The following NAALADL2 variants were observed in gnomAD, a reference collection of about 807,000 sequenced individuals.
NAALADL2 encodes the protein inactive N-acetylated-alpha-linked acidic dipeptidase-like protein 2.
Under a neutral mutation model 87.2 loss-of-function variants are expected in NAALADL2, and 76 were observed. That is an observed-to-expected ratio of 0.87 (90% CI 0.72 to 1.05). The LOEUF (loss-of-function observed/expected upper bound fraction) is 1.05, where lower values mean the gene tolerates loss of function less well. Ranked by LOEUF, NAALADL2 falls within the 50% of genes least tolerant of loss-of-function variation. The probability of loss-of-function intolerance (pLI) is 0.00; values close to 1 mark genes in which losing one functional copy is unlikely to be tolerated. For synonymous variants in NAALADL2, 354 were observed against 331.0 expected (o/e 1.07, Z -0.75); for missense variants, 1,089 against 945.8 (o/e 1.15, Z -1.99).
At chr3:175,278,107 C>A (rs1392690479) in intron 4 of NAALADL2, among the ~76,000 whole-genome samples, 1 of 152,260 alleles carries the variant, frequency 6.6e-6, no homozygotes, top group East Asian at 1.9e-4. Flanking sequence ...GCCTGGGCGA[C>A]AAAGCGAGAC....
At chr3:175,527,525 T>A (rs1042205385) in intron 9 of NAALADL2, among the ~76,000 whole-genome samples, 1 of 152,168 alleles carries the variant, frequency 6.6e-6, no homozygotes, top group Non-Finnish European at 1.5e-5. Context: ...ATAAAATAGA[T>A]GATCCTAGAT....
intron 1 of NAALADL2, among the ~76,000 whole-genome samples, chr3:174,522,470 G>A (rs1402427810): frequency 6.6e-6 from 1 of 151,908 alleles, no homozygotes; most frequent in Non-Finnish European, 1.5e-5. Flanking sequence ...AGACCAGCTT[G>A]GATAACATAG....
chr3:175,519,388 T>A (rs1661766885), intron 9 of NAALADL2, among the ~76,000 whole-genome samples: 1 of 152,196 alleles, frequency 6.6e-6, no homozygotes, highest in Non-Finnish European at 1.5e-5. Flanking sequence ...CTTCTGAGGC[T>A]GCCACTGAGG....
intron 5 of NAALADL2, among the ~76,000 whole-genome samples, chr3:175,391,189 G>C (rs939632934): frequency 6.6e-6 from 1 of 152,160 alleles, no homozygotes. Flanking sequence ...TTCCCTCATT[G>C]AGAAACCCTT....
chr3:175,225,134 G>A (rs779133654), intron 2 of NAALADL2, among the ~76,000 whole-genome samples: 21 of 152,020 alleles, frequency 1.4e-4, no homozygotes, highest in African/African-American at 3.6e-4. Flanking sequence ...ATAATTTATT[G>A]TTCTGGCATA....
intron 11 of NAALADL2, among the ~76,000 whole-genome samples, chr3:175,687,694 T>C (rs1363566093): frequency 2.0e-5 from 3 of 152,180 alleles, no homozygotes; most frequent in Non-Finnish European, 4.4e-5. Flanking sequence ...TTCCTAATGT[T>C]GGAGATAGAG....
intron 2 of NAALADL2, among the ~76,000 whole-genome samples, chr3:174,650,162 G>A (rs1724211449): frequency 6.6e-6 from 1 of 152,014 alleles, no homozygotes; most frequent in African/African-American, 2.4e-5. Flanking sequence ...TTCAGGGATT[G>A]GGTAGAAGAT....
intron 1 of NAALADL2, among the ~76,000 whole-genome samples, chr3:175,049,612 T>C (rs1194442665): frequency 1.3e-5 from 2 of 152,174 alleles, no homozygotes; most frequent in Non-Finnish European, 2.9e-5. Context: ...AAGGGTTTTG[T>C]CCACATTCCA....
intron 2 of NAALADL2, among the ~76,000 whole-genome samples, chr3:174,728,646 G>A (rs970293683): frequency 2.0e-5 from 3 of 151,926 alleles, no homozygotes; most frequent in African/African-American, 7.2e-5. Flanking sequence ...TATGATTTAT[G>A]TGTTTTTTTC....
At chr3:175,471,592 C>A in intron 8 of NAALADL2, 47 bp from the exon 9 acceptor site, 2 of 1,050,086 alleles carry the variant, frequency 1.9e-6, no homozygotes, top group South Asian at 1.4e-5. Context: ...AAAGTAGAAT[C>A]TATTTATTTG....
At chr3:174,870,564 GTTA>G (rs945059954) in intron 1 of NAALADL2, among the ~76,000 whole-genome samples, 21 of 150,770 alleles carry the variant, frequency 1.4e-4, no homozygotes, top group African/African-American at 3.9e-4. Flanking sequence ...TCATTATCTT[GTTA>G]TTATTATCAA....
At chr3:174,511,606 G>A (rs2108391839) in intron 1 of NAALADL2, among the ~76,000 whole-genome samples, 1 of 151,454 alleles carries the variant, frequency 6.6e-6, no homozygotes, top group East Asian at 1.9e-4. Flanking sequence ...AATTTGACAA[G>A]CTCTGCCTTT....
intron 2 of NAALADL2, among the ~76,000 whole-genome samples, chr3:174,606,408 G>A (rs1719067399): frequency 1.3e-5 from 2 of 152,144 alleles, no homozygotes; most frequent in Non-Finnish European, 2.9e-5. Context: ...AGGCAAAGAA[G>A]TTAAAAACTT....
intron 1 of NAALADL2, among the ~76,000 whole-genome samples, chr3:174,986,392 TTA>T (rs1281089485): frequency 6.6e-6 from 1 of 150,808 alleles, no homozygotes; most frequent in East Asian, 1.9e-4. Context: ...TTGTTATATT[TTA>T]TGTTTGTATA....
intron 1 of NAALADL2, among the ~76,000 whole-genome samples, chr3:174,971,202 C>T (rs1743591716): frequency 6.6e-6 from 1 of 152,148 alleles, no homozygotes. Flanking sequence ...CGTGGGAATT[C>T]TGGGAGATAC....
At chr3:175,624,958 A>G (rs1726780706) in intron 10 of NAALADL2, among the ~76,000 whole-genome samples, 1 of 152,038 alleles carries the variant, frequency 6.6e-6, no homozygotes, top group Admixed American at 6.6e-5. Context: ...GTTCCTAACA[A>G]CTATTTTGTG....
intron 3 of NAALADL2, among the ~76,000 whole-genome samples, chr3:174,809,367 A>G (rs1241015527): frequency 5.3e-5 from 8 of 152,184 alleles, no homozygotes; most frequent in Admixed American, 3.9e-4. Context: ...AAACTTTTGT[A>G]TAAAGTATTC....
At chr3:175,367,415 T>A (rs1028172772) in intron 5 of NAALADL2, among the ~76,000 whole-genome samples, 5 of 151,906 alleles carry the variant, frequency 3.3e-5, no homozygotes, top group African/African-American at 4.8e-5. Context: ...GGTAGCTTGA[T>A]GGGGATGGCA....
At chr3:175,092,902 T>C (rs1293501692) in intron 1 of NAALADL2, among the ~76,000 whole-genome samples, 1 of 151,926 alleles carries the variant, frequency 6.6e-6, no homozygotes, top group Non-Finnish European at 1.5e-5. Flanking sequence ...CTTTTCATAA[T>C]AATTGCATTT....
Sources: allele counts gnomAD v4.1 joint callset (sites outside exome capture counted in the v4.1 genomes callset), GRCh38; gene constraint gnomAD v4.1.1; transcripts MANE v1.5; gene names NCBI Gene and HGNC (gene_info 2026-07-23, HGNC 2026-07-21).